LRP6: variants seen among roughly 807,000 people sequenced by gnomAD.
LRP6 encodes LDL receptor related protein 6, also known as low-density lipoprotein receptor-related protein 6.
LRP6 carries 43 observed loss-of-function variants against 184.1 expected under a neutral mutation model. The observed-to-expected ratio is 0.23, with a 90% CI of 0.18 to 0.30. The LOEUF (loss-of-function observed/expected upper bound fraction) is 0.30. Ranked by LOEUF, LRP6 falls within the 10% of genes least tolerant of loss-of-function variation. LRP6 has a pLI of 1.00. For synonymous variants in LRP6, 719 were observed against 684.9 expected (o/e 1.05, Z -0.78); for missense variants, 1,571 against 2,005.3 (o/e 0.78, Z 4.14).
chr12:12,219,977 A>T (rs1864446309), intron 2 of LRP6, among the ~76,000 whole-genome samples: 1 of 151,982 alleles, frequency 6.6e-6, no homozygotes, highest in South Asian at 2.1e-4. Context: ...CAGCTAATTT[A>T]CTCCAGTTTG....
At chr12:12,260,730 C>A (rs1399067842) in intron 1 of LRP6, among the ~76,000 whole-genome samples, 2 of 152,198 alleles carry the variant, frequency 1.3e-5, no homozygotes, top group Non-Finnish European at 2.9e-5. Context: ...CCCCACCTAA[C>A]AGGAAAGGAA....
chr12:12,164,992 C>G, intron 8 of LRP6, 87 bp downstream of exon 8: 1 of 743,688 alleles, frequency 1.3e-6, no homozygotes, highest in Non-Finnish European at 2.1e-6. Context: ...AAAATTGCCT[C>G]AAAACATCAA....
At position 12,185,818 on chromosome 12, in the gene LRP6, A is replaced by C. The variant is rs567039049; in HGVS notation, c.844+1105T>G. Among the ~76,000 whole-genome samples the C allele has an allele frequency of 1.3e-3, 191 of 149,472 alleles. 3 individuals carry two copies. In the East Asian group the frequency reaches 0.032, roughly 25 times the overall value. ...AACAGAGTTTTCATTTAAAAAGAAGAGGCGTTTTTGTGTGTGTGTGTGTTT... is the reference window on the plus strand; with the variant it reads ...AACAGAGTTTTCATTTAAAAAGAAGCGGCGTTTTTGTGTGTGTGTGTGTTT... On this transcript the variant is annotated intron_variant, in intron 4 of 22. Transcript: ENST00000261349.
At chr12:12,246,259 G>A (rs1176956076) in intron 1 of LRP6, among the ~76,000 whole-genome samples, 2 of 151,774 alleles carry the variant, frequency 1.3e-5, no homozygotes, top group African/African-American at 4.8e-5. Flanking sequence ...ACCCGCCAGG[G>A]CCTCCCAAAG....
chr12:12,179,562 T>C (rs1039957885), intron 7 of LRP6, among the ~76,000 whole-genome samples: 2 of 152,156 alleles, frequency 1.3e-5, no homozygotes, highest in Admixed American at 6.6e-5. Flanking sequence ...ATCACTTACA[T>C]AAGCTTTTAA....
At chr12:12,261,310 G>A (rs1279208884) in intron 1 of LRP6, among the ~76,000 whole-genome samples, 2 of 151,832 alleles carry the variant, frequency 1.3e-5, no homozygotes, top group East Asian at 1.9e-4. Context: ...GGCTGAGGCA[G>A]GAGAATGGCG....
intron 3 of LRP6, among the ~76,000 whole-genome samples, chr12:12,192,157 G>C (rs1397169999): frequency 6.6e-6 from 1 of 152,002 alleles, no homozygotes. Context: ...AAGGATGGGA[G>C]AGAGAATGGA....
At position 12,186,991 on chromosome 12, in the gene LRP6, C is replaced by T. The variant is rs781643215; in HGVS notation, c.776G>A (p.Arg259His). 38 of 1,614,004 alleles carry T rather than the reference C, an allele frequency of 2.4e-5. No homozygotes were observed. The highest frequency in any genetic ancestry group is 1.1e-4 in the East Asian group (5 of 44,900). Reference sequence around the variant, plus strand: ...AGAGAAGATGTCAGAATGGATTTCACGCAGACCCTCACCAGTATACTTGTT... The same window carrying T: ...AGAGAAGATGTCAGAATGGATTTCATGCAGACCCTCACCAGTATACTTGTT... Reference protein sequence around the residue: ...ACNKYTGEGLREIHSDIFSPM... With the variant: ...ACNKYTGEGLHEIHSDIFSPM... Residue 259 changes from arginine to histidine, a missense_variant, in exon 4 of 23, where the codon CGT becomes CAT. By Grantham distance (29) the Arg-to-His change is conservative. Transcript: ENST00000261349.
At chr12:12,139,722 G>GA (rs557526394) in intron 15 of LRP6, among the ~76,000 whole-genome samples, 103 of 145,450 alleles carry the variant, frequency 7.1e-4, no homozygotes, top group Admixed American at 1.4e-3. Context: ...CCTGTCTCAG[G>GA]AAAAAAAAAA....
In LRP6 at chr12:12,131,097, A is replaced by ATTTTTTTTTT. The variant is rs35705276; in HGVS notation, c.3971-214_3971-205dup. Among the ~76,000 whole-genome samples the ATTTTTTTTTT allele has an allele frequency of 1.3e-3, 98 of 78,194 alleles. 5 individuals carry two copies. The highest frequency in any genetic ancestry group is 3.8e-3 in the African/African-American group (96 of 25,102). 51.3% of individuals were successfully genotyped at this position (78,194 alleles called of 152,430 possible). A position where few individuals can be genotyped will look rare whatever the true frequency, so the allele number is the denominator to read the frequency against. Reference sequence around the variant, plus strand: ...AAAATCCAGCAGGAAATTTCCTAACATTTTTTTTTTTTTTTTTTTTTTTTT... The same window carrying ATTTTTTTTTT: ...AAAATCCAGCAGGAAATTTCCTAACATTTTTTTTTTTTTTTTTTTTTTTTTTTTTTTTTTT... On this transcript the variant is annotated intron_variant, in intron 18 of 22. Transcript: ENST00000261349.
chr12:12,135,479 C>CATT (rs35053686), intron 16 of LRP6, among the ~76,000 whole-genome samples, 179 bp from the exon 17 acceptor site: 3,643 of 144,138 alleles, frequency 0.025, 127 homozygotes, highest in African/African-American at 0.075. Context: ...TTACTTTTAT[C>CATT]ATTATTATTA....
chr12:12,171,328 A>C (rs1033843984), intron 7 of LRP6, among the ~76,000 whole-genome samples: 3 of 152,122 alleles, frequency 2.0e-5, no homozygotes, highest in Non-Finnish European at 4.4e-5. Context: ...CATCCTGGCT[A>C]ACATGGTGAA....
rs1487298231 is a variant in LRP6 at position 12,151,051 on chromosome 12, A to G, written c.2792-13T>C. The G allele has an allele frequency of 6.2e-7, 1 of 1,608,310 alleles. No individual in the cohort carries two copies. The highest frequency in any genetic ancestry group is 2.2e-5 in the East Asian group (1 of 44,818). ...AAAGTCGTAGGAGCTTAAAAGGAAG[A>G]AAAGAGAAAATCTGAAATCTAGTTA... On this transcript the variant is annotated splice_polypyrimidine_tract_variant and intron_variant, in intron 12 of 22. Transcript: ENST00000261349.
At chr12:12,237,182 G>C (rs1338369491) in intron 2 of LRP6, among the ~76,000 whole-genome samples, 1 of 152,166 alleles carries the variant, frequency 6.6e-6, no homozygotes, top group African/African-American at 2.4e-5. Flanking sequence ...AACAAAAGAT[G>C]CACCTAGCAA....
chr12:12,159,566 A>T (rs1184808334), intron 11 of LRP6, among the ~76,000 whole-genome samples: 1 of 152,202 alleles, frequency 6.6e-6, no homozygotes, highest in Admixed American at 6.5e-5. Flanking sequence ...ATTTCATTAC[A>T]AGTCCAATAA....
At chr12:12,139,239 T>G (rs578106516) in intron 15 of LRP6, among the ~76,000 whole-genome samples, 14 of 152,284 alleles carry the variant, frequency 9.2e-5, no homozygotes, top group African/African-American at 2.9e-4. Flanking sequence ...ACAAAGACAT[T>G]AGCTGATATT....
intron 15 of LRP6, among the ~76,000 whole-genome samples, chr12:12,144,611 AG>A (rs1293928310): frequency 6.6e-6 from 1 of 152,232 alleles, no homozygotes; most frequent in Non-Finnish European, 1.5e-5. Flanking sequence ...ACTGTACTCT[AG>A]CCTGGGTGAC....
intron 15 of LRP6, among the ~76,000 whole-genome samples, chr12:12,140,001 C>T (rs1339688479): frequency 6.6e-6 from 1 of 152,000 alleles, no homozygotes; most frequent in Non-Finnish European, 1.5e-5. Flanking sequence ...AAGAGGAGTA[C>T]TAATTGAAAA....
At chr12:12,218,662 CTT>C (rs1864410696) in intron 2 of LRP6, among the ~76,000 whole-genome samples, 1 of 151,866 alleles carries the variant, frequency 6.6e-6, no homozygotes, top group Non-Finnish European at 1.5e-5. Flanking sequence ...ATGGTTATAA[CTT>C]TTTAAAAAAG....
Sources: gnomAD v4.1 joint callset for allele counts (sites outside exome capture counted in the v4.1 genomes callset) on GRCh38, gnomAD v4.1.1 for gene constraint, MANE v1.5 for transcripts, NCBI Gene and HGNC (gene_info 2026-07-23, HGNC 2026-07-21) for gene names.